KCNQ3: variants seen among roughly 807,000 people sequenced by gnomAD.
KCNQ3 encodes potassium voltage-gated channel subfamily Q member 3, also known as potassium voltage-gated channel subfamily KQT member 3.
Under a neutral mutation model 92.5 loss-of-function variants are expected in KCNQ3, and 30 were observed. The observed-to-expected ratio is 0.32, with a 90% CI of 0.24 to 0.44. The LOEUF is 0.44. Ranked by LOEUF, KCNQ3 falls within the 20% of genes least tolerant of loss-of-function variation. The pLI is 1.00. For missense variants in KCNQ3, 913 were observed against 1,140.3 expected, an observed-to-expected ratio of 0.80 and a Z score of 2.87; for synonymous variants, 450 against 468.8, an observed-to-expected ratio of 0.96 and a Z score of 0.52.
intron 1 of KCNQ3, among the ~76,000 whole-genome samples, chr8:132,238,663 C>T (rs7825358): frequency 0.042 from 6,430 of 152,148 alleles, 181 homozygotes; most frequent in African/African-American, 0.069. Flanking sequence ...TCCTTCTTGT[C>T]GCCTGGCTTC....
At chr8:132,131,233 C>T (rs1431878798) in intron 14 of KCNQ3, among the ~76,000 whole-genome samples, 1 of 152,214 alleles carries the variant, frequency 6.6e-6, no homozygotes, top group African/African-American at 2.4e-5. Context: ...TTCTACCTCT[C>T]CTGCACGGGT....
intron 4 of KCNQ3, among the ~76,000 whole-genome samples, chr8:132,179,685 T>G (rs917024716): frequency 1.3e-5 from 2 of 152,166 alleles, no homozygotes; most frequent in African/African-American, 4.8e-5. Context: ...TATTCTAATT[T>G]TATAAATGCA....
chr8:132,263,402 C>G (rs1815856598), intron 1 of KCNQ3, among the ~76,000 whole-genome samples: 1 of 152,214 alleles, frequency 6.6e-6, no homozygotes, highest in South Asian at 2.1e-4. Flanking sequence ...CGGCTCCACC[C>G]TACAGCCCCA....
intron 14 of KCNQ3, among the ~76,000 whole-genome samples, chr8:132,131,418 A>C (rs1268636793): frequency 5.9e-5 from 9 of 152,162 alleles, no homozygotes; most frequent in Admixed American, 2.0e-4. Flanking sequence ...TCCACCTTGA[A>C]TGGATCTCAC....
At position 132,156,957 on chromosome 8, in the gene KCNQ3, C is replaced by G. The variant is rs183972042; in HGVS notation, c.1262+6511G>C. 2.6e-5 allele frequency among the ~76,000 whole-genome samples: 4 copies of G among 152,182 alleles called. No individual in the cohort carries two copies. The East Asian group carries it at 7.7e-4, about 29-fold the overall frequency. On this transcript the variant is annotated intron_variant, in intron 9 of 14. Coordinates refer to ENST00000388996, the MANE Select transcript of KCNQ3 (RefSeq NM_004519.4). ...GAGATTGGAGGAATGGGTCGAAAAG[C>G]CCAAGGATCAGCATGAACTACCTGA...
At chr8:132,273,901 C>T (rs1816242922) in intron 1 of KCNQ3, among the ~76,000 whole-genome samples, 1 of 152,188 alleles carries the variant, frequency 6.6e-6, no homozygotes. Flanking sequence ...CTGAGACCAC[C>T]TCAACCTGGA....
intron 1 of KCNQ3, among the ~76,000 whole-genome samples, chr8:132,190,673 C>G (rs1563797292): frequency 6.6e-6 from 1 of 152,220 alleles, no homozygotes. Flanking sequence ...TCCATGACTG[C>G]TGCTTCGTGA....
chr8:132,254,655 G>C (rs1586869491), intron 1 of KCNQ3, among the ~76,000 whole-genome samples: 1 of 152,172 alleles, frequency 6.6e-6, no homozygotes, highest in South Asian at 2.1e-4. Context: ...GCCAAGGCAG[G>C]ATCACTTGAG....
intron 1 of KCNQ3, among the ~76,000 whole-genome samples, chr8:132,208,640 A>T (rs941319051): frequency 2.6e-5 from 4 of 152,136 alleles, no homozygotes; most frequent in Non-Finnish European, 5.9e-5. Context: ...CAGGGTCAGA[A>T]AATATGATTT....
intron 14 of KCNQ3, among the ~76,000 whole-genome samples, chr8:132,130,914 C>G (rs571269314): frequency 2.2e-4 from 33 of 152,324 alleles, no homozygotes; most frequent in African/African-American, 7.9e-4. Context: ...CCAGGAAACA[C>G]TGTCGTCAGG....
intron 1 of KCNQ3, among the ~76,000 whole-genome samples, chr8:132,214,265 G>A (rs1346205050): frequency 1.3e-5 from 2 of 152,148 alleles, no homozygotes; most frequent in African/African-American, 4.8e-5. Flanking sequence ...TGCAATAGAT[G>A]TACTCCTGAA....
intron 1 of KCNQ3, among the ~76,000 whole-genome samples, chr8:132,330,179 CCCAGGAATGCTGGGGCAGGCA>C (rs1378038409): frequency 1.3e-5 from 2 of 152,082 alleles, no homozygotes; most frequent in African/African-American, 2.4e-5. Context: ...TGGCCACAAG[CCCAGGAATGCTGGGGCAGGCA>C]CAAGAACCCA....
At chr8:132,399,487 C>T (rs1339265473) in intron 1 of KCNQ3, among the ~76,000 whole-genome samples, 1 of 152,124 alleles carries the variant, frequency 6.6e-6, no homozygotes, top group Non-Finnish European at 1.5e-5. Flanking sequence ...ATGTGAGGCC[C>T]ACAGAGATAG....
At chr8:132,273,986 C>T (rs1245105944) in intron 1 of KCNQ3, among the ~76,000 whole-genome samples, 4 of 152,162 alleles carry the variant, frequency 2.6e-5, no homozygotes, top group African/African-American at 9.7e-5. Context: ...CAAACTTTCC[C>T]ACATTTTCCT....
At chr8:132,341,632 C>T (rs1327539415) in intron 1 of KCNQ3, among the ~76,000 whole-genome samples, 1 of 152,244 alleles carries the variant, frequency 6.6e-6, no homozygotes, top group Non-Finnish European at 1.5e-5. Context: ...ACATGCACAA[C>T]TGTCCATTCC....
chr8:132,470,939 T>C (rs766908151), intron 1 of KCNQ3, among the ~76,000 whole-genome samples: 2 of 152,232 alleles, frequency 1.3e-5, no homozygotes, highest in East Asian at 1.9e-4. Flanking sequence ...TTAGGCACCA[T>C]TGCAGGTATG....
At chr8:132,151,607 G>A (rs1025727008) in intron 9 of KCNQ3, among the ~76,000 whole-genome samples, 4 of 152,154 alleles carry the variant, frequency 2.6e-5, no homozygotes, top group Admixed American at 6.5e-5. Context: ...TTTGTAAAGG[G>A]TTATAAAAGG....
Position 132,127,308 on chromosome 8 carries a change from A to G in KCNQ3, c.*1954T>C, listed in dbSNP as rs1410311638. ...CCCATCCATTTATGGGGCTCTCCAT[A>G]AAAAACACCCTTCTGCTGCTCACAA... is the stretch of plus-strand genomic sequence containing the variant. On this transcript the variant is annotated 3_prime_UTR_variant, in exon 15 of 15. Transcript: ENST00000388996. The G allele has an allele frequency of 1.3e-5, 2 of 152,234 alleles. No homozygotes were observed. The highest frequency in any genetic ancestry group is 2.9e-5 in the Non-Finnish European group (2 of 68,074). The allele number at this position is 152,234 out of a possible 1,614,324, so 9.4% of individuals were successfully genotyped here.
At chr8:132,358,800 G>A (rs183863561) in intron 1 of KCNQ3, among the ~76,000 whole-genome samples, 2 of 152,118 alleles carry the variant, frequency 1.3e-5, no homozygotes, top group Admixed American at 6.5e-5. Flanking sequence ...GTACACTGTC[G>A]CTGAATAAGG....
Sources: gnomAD v4.1 joint callset for allele counts (sites outside exome capture counted in the v4.1 genomes callset) on GRCh38, gnomAD v4.1.1 for gene constraint, MANE v1.5 for transcripts, NCBI Gene and HGNC (gene_info 2026-07-23, HGNC 2026-07-21) for gene names.